CSNK2A1: variants seen among roughly 807,000 people sequenced by gnomAD.
CSNK2A1 encodes the protein casein kinase 2 alpha 1.
Under a neutral mutation model 62.9 loss-of-function variants are expected in CSNK2A1, and 10 were observed. The ratio of observed to expected loss-of-function variants is 0.16; its 90% CI spans 0.10 to 0.27. The LOEUF (loss-of-function observed/expected upper bound fraction) is 0.27. Among genes scored for constraint, CSNK2A1 ranks in the 10% least tolerant of loss-of-function variants. The pLI, the probability that CSNK2A1 is intolerant of heterozygous loss-of-function variation, is 1.00. For synonymous variants in CSNK2A1, 124 were observed against 167.8 expected (o/e 0.74, Z 2.02); for missense variants, 160 against 492.0 (o/e 0.33, Z 6.38).
chr20:492,194 TG>T, intron 9 of CSNK2A1, 59 bp downstream of exon 9: 6 of 1,427,874 alleles, frequency 4.2e-6, no homozygotes, highest in Admixed American at 2.0e-5. Flanking sequence ...TTTTTTTTTT[TG>T]GTAAATTATG....
intron 3 of CSNK2A1, chr20:507,498 G>A (rs1354124092): frequency 2.6e-5 from 4 of 152,132 alleles, no homozygotes; most frequent in African/African-American, 9.7e-5. Flanking sequence ...TACCACATTG[G>A]GACAGGAAAT....
chr20:537,000 T>C (rs947612355), intron 1 of CSNK2A1, among the ~76,000 whole-genome samples: 2 of 152,210 alleles, frequency 1.3e-5, no homozygotes, highest in African/African-American at 4.8e-5. Flanking sequence ...ACAGGGTAGC[T>C]TTCTTAAAAT....
intron 7 of CSNK2A1, 151 bp from the exon 8 acceptor site, chr20:495,953 C>T: frequency 1.6e-6 from 1 of 623,336 alleles, no homozygotes; most frequent in Non-Finnish European, 2.9e-6. Context: ...GCTTCAGAGA[C>T]TTGTTCATGA....
intron 8 of CSNK2A1, chr20:495,465 G>A (rs1275884092): frequency 1.5e-5 from 6 of 406,856 alleles, no homozygotes; most frequent in East Asian, 4.6e-5. Context: ...TAAATAAGGC[G>A]AGAAGCCACG....
intron 2 of CSNK2A1, among the ~76,000 whole-genome samples, chr20:527,129 T>C (rs888702779): frequency 1.3e-5 from 2 of 151,388 alleles, no homozygotes; most frequent in Non-Finnish European, 2.9e-5. Flanking sequence ...GTATCAAGAA[T>C]GGAAATGATA....
At chr20:535,034 CAAAAAAAAA>C (rs11469217) in intron 1 of CSNK2A1, among the ~76,000 whole-genome samples, 9 of 50,756 alleles carry the variant, frequency 1.8e-4, no homozygotes, top group East Asian at 1.3e-3. Flanking sequence ...TGCTATCTCC[CAAAAAAAAA>C]AAAAAAAAAA....
At chr20:525,736 G>C (rs1231646979) in intron 2 of CSNK2A1, among the ~76,000 whole-genome samples, 1 of 150,858 alleles carries the variant, frequency 6.6e-6, no homozygotes, top group Non-Finnish European at 1.5e-5. Context: ...ACTTTGGGAG[G>C]CTGAGGCCAA....
intron 8 of CSNK2A1, chr20:492,628 C>G: frequency 2.3e-6 from 1 of 436,064 alleles, no homozygotes; most frequent in Non-Finnish European, 4.1e-6. Flanking sequence ...CCCTACTACC[C>G]AGCCTATAAT....
intron 13 of CSNK2A1, among the ~76,000 whole-genome samples, chr20:485,081 A>T (rs2018044786): frequency 1.5e-4 from 5 of 33,502 alleles, no homozygotes; most frequent in African/African-American, 5.6e-4. Context: ...AAAAAAAAAA[A>T]AAAAAAAAAA....
chr20:489,766 A>C lies in CSNK2A1; in HGVS notation c.723+14T>G. 1 of 1,607,018 alleles carries C rather than the reference A, an allele frequency of 6.2e-7. No homozygotes were observed. The highest frequency in any genetic ancestry group is 8.5e-7 in the Non-Finnish European group (1 of 1,174,428). ...TAGGCCAGTACATTTTTCAATGGGT[A>C]TAACATATATTACCTGATCATAATT... On this transcript the variant is annotated intron_variant, in intron 10 of 13. Transcript: ENST00000217244.
At position 543,705 on chromosome 20, in the gene CSNK2A1, TC is replaced by T. The variant is rs1568582098; in HGVS notation, c.-261del. 5.0e-6 allele frequency: 2 copies of T among 398,374 alleles called. No individual in the cohort carries two copies. Among genetic ancestry groups the T allele is most frequent in the Non-Finnish European group, 8.8e-6 (2 of 226,036 alleles). The allele number at this position is 398,374 out of a possible 1,614,324, so 24.7% of individuals were successfully genotyped here. A position where few individuals can be genotyped will look rare whatever the true frequency, so the allele number is the denominator to read the frequency against. On this transcript the variant is annotated 5_prime_UTR_variant, in exon 1 of 14. Transcript: ENST00000217244. Reference sequence around the variant, plus strand: ...GAAGCGGCAGCGGCGGCGGCCGCTCTCCCCTCTGCTCACACAGACAATATGG... The same window carrying T: ...GAAGCGGCAGCGGCGGCGGCCGCTCTCCCTCTGCTCACACAGACAATATGG...
intron 1 of CSNK2A1, chr20:541,051 A>C (rs1303517109): frequency 3.3e-5 from 5 of 152,176 alleles, no homozygotes; most frequent in African/African-American, 1.2e-4. Flanking sequence ...GGTCTTTGCC[A>C]CTAGAGGCTG....
At chr20:496,982 T>C (rs907468415) in intron 7 of CSNK2A1, among the ~76,000 whole-genome samples, 2 of 152,334 alleles carry the variant, frequency 1.3e-5, no homozygotes, top group African/African-American at 4.8e-5. Context: ...TCACGAGTTT[T>C]GAAAATTTAA....
At position 476,599 on chromosome 20, in the gene CSNK2A1, G is replaced by T. The variant is rs1047679358; in HGVS notation, c.*7362C>A. 6.6e-6 allele frequency: 1 copy of T among 151,886 alleles called. No homozygotes were observed. Among genetic ancestry groups the T allele is most frequent in the African/African-American group, 2.4e-5 (1 of 41,320 alleles). The allele number at this position is 151,886 out of a possible 1,614,324, so 9.4% of individuals were successfully genotyped here. On this transcript the variant is annotated 3_prime_UTR_variant, in exon 14 of 14. Transcript: ENST00000217244. ...TGTTACTTTTTTTTTTGGAGGCGGG[G>T]TCTCCCTATGTTGCACAGGCTGGAG...
rs1363745253 is a variant in CSNK2A1, at chr20:476,067, G to C, written c.*7894C>G. The C allele has an allele frequency of 2.0e-5, 3 of 152,260 alleles. No homozygotes were observed. The highest frequency in any genetic ancestry group is 4.4e-5 in the Non-Finnish European group (3 of 68,068). The allele number at this position is 152,260 out of a possible 1,614,324, so 9.4% of individuals were successfully genotyped here. On this transcript the variant is annotated 3_prime_UTR_variant, in exon 14 of 14. Coordinates refer to ENST00000217244, the MANE Select transcript of CSNK2A1 (RefSeq NM_177559.3). ...GGCTAGGAACCTGGACAGATTCCTG[G>C]CAACATAGCTGTGCAAAAGCAGCCC...
Position 478,763 on chromosome 20 carries a change from ACC to A in CSNK2A1, c.*5196_*5197del. 4.4e-6 allele frequency: 1 copy of A among 226,958 alleles called. No homozygotes were observed. The highest frequency in any genetic ancestry group is 8.6e-6 in the Non-Finnish European group (1 of 115,800). The allele number at this position is 226,958 out of a possible 1,614,324, so 14.1% of individuals were successfully genotyped here. ...GGCAACACGGCAAAACTTCATCTCTACCAAAAAAAAAAAAAAAAAAATTAGCC... is the reference window on the plus strand; with the variant it reads ...GGCAACACGGCAAAACTTCATCTCTAAAAAAAAAAAAAAAAAAAATTAGCC... On this transcript the variant is annotated 3_prime_UTR_variant, in exon 14 of 14. Coordinates refer to ENST00000217244, the MANE Select transcript of CSNK2A1 (RefSeq NM_177559.3).
intron 4 of CSNK2A1, chr20:503,099 A>G: frequency 5.9e-6 from 1 of 169,762 alleles, no homozygotes. Flanking sequence ...AATCACAAAG[A>G]ACTCCAGTCT....
intron 3 of CSNK2A1, chr20:508,124 T>A: frequency 5.1e-6 from 1 of 195,870 alleles, no homozygotes; most frequent in Non-Finnish European, 1.0e-5. Flanking sequence ...AGCTCTCTTA[T>A]AATCTTATGG....
At chr20:489,940 A>C in intron 9 of CSNK2A1, 59 bp from the exon 10 acceptor site, 1 of 1,333,330 alleles carries the variant, frequency 7.5e-7, no homozygotes, top group African/African-American at 1.7e-5. Flanking sequence ...TCACTTCAAA[A>C]TAAAAAATTA....
Sources: allele counts gnomAD v4.1 joint callset (sites outside exome capture counted in the v4.1 genomes callset), GRCh38; gene constraint gnomAD v4.1.1; transcripts MANE v1.5; gene names NCBI Gene and HGNC (gene_info 2026-07-23, HGNC 2026-07-21).